PLPPR1: variants seen among roughly 807,000 people sequenced by gnomAD.
PLPPR1 encodes phospholipid phosphatase related 1.
Under a neutral mutation model 33.1 loss-of-function variants are expected in PLPPR1, and 10 were observed. The observed-to-expected ratio is 0.30, with a 90% confidence interval of 0.19 to 0.51. The LOEUF (loss-of-function observed/expected upper bound fraction) is 0.51, where lower values mean the gene tolerates loss of function less well. Ranked by LOEUF, PLPPR1 falls within the 20% of genes least tolerant of loss-of-function variation. The pLI is 0.97. For synonymous variants in PLPPR1, 151 were observed against 151.0 expected (o/e 1.00, Z 0.00); for missense variants, 304 against 408.1 (o/e 0.74, Z 2.20).
chr9:101,051,162 A>C (rs1316733288), intron 1 of PLPPR1, among the ~76,000 whole-genome samples: 1 of 151,832 alleles, frequency 6.6e-6, no homozygotes, highest in Non-Finnish European at 1.5e-5. Flanking sequence ...TTCTGTTTTT[A>C]CTGCTATCTC....
At chr9:101,060,174 A>G (rs540192585) in intron 1 of PLPPR1, among the ~76,000 whole-genome samples, 7 of 152,186 alleles carry the variant, frequency 4.6e-5, no homozygotes, top group Admixed American at 3.3e-4. Flanking sequence ...TCGCAACAAG[A>G]TGGATGAACC....
intron 1 of PLPPR1, among the ~76,000 whole-genome samples, chr9:101,073,233 A>G (rs1437705948): frequency 6.6e-6 from 1 of 152,178 alleles, no homozygotes; most frequent in African/African-American, 2.4e-5. Flanking sequence ...TAGCTCACCA[A>G]TACAGGATTC....
chr9:101,144,584 A>C (rs1381835510), intron 1 of PLPPR1, among the ~76,000 whole-genome samples: 1 of 152,082 alleles, frequency 6.6e-6, no homozygotes, highest in African/African-American at 2.4e-5. Context: ...CTCAGAAAAA[A>C]ACCAAACCTA....
At chr9:101,181,707 C>T (rs1365425309) in intron 1 of PLPPR1, among the ~76,000 whole-genome samples, 1 of 65,496 alleles carries the variant, frequency 1.5e-5, no homozygotes, top group Non-Finnish European at 3.2e-5. Flanking sequence ...TATATACACA[C>T]ACCAAATTAC....
chr9:101,184,909 C>T (rs1826178546), intron 1 of PLPPR1: 1 of 151,936 alleles, frequency 6.6e-6, no homozygotes, highest in East Asian at 1.9e-4. Flanking sequence ...ACATATTAAC[C>T]TGAAGTTGTT....
chr9:101,161,319 G>T (rs382245), intron 1 of PLPPR1, among the ~76,000 whole-genome samples: 65,898 of 151,874 alleles, frequency 0.43, 14,856 homozygotes, highest in Non-Finnish European at 0.5. Context: ...GTTGAGGAAA[G>T]AATTGGGTTA....
intron 1 of PLPPR1, among the ~76,000 whole-genome samples, chr9:101,071,089 G>A (rs1830477505): frequency 6.6e-6 from 1 of 152,112 alleles, no homozygotes; most frequent in African/African-American, 2.4e-5. Flanking sequence ...CAGGAATGGG[G>A]AGGCCGAGGG....
chr9:101,039,012 C>T (rs1365913433), intron 1 of PLPPR1, among the ~76,000 whole-genome samples: 3 of 152,162 alleles, frequency 2.0e-5, no homozygotes, highest in Non-Finnish European at 4.4e-5. Context: ...TTCTTGCCAT[C>T]TTGAACCTTA....
At chr9:101,140,791 C>T (rs1020362319) in intron 1 of PLPPR1, among the ~76,000 whole-genome samples, 9 of 152,140 alleles carry the variant, frequency 5.9e-5, no homozygotes, top group Admixed American at 5.9e-4. Flanking sequence ...ACTTACTGAA[C>T]TCCCACAGTT....
intron 3 of PLPPR1, among the ~76,000 whole-genome samples, chr9:101,278,322 G>A (rs1172053261): frequency 1.3e-5 from 2 of 152,128 alleles, no homozygotes; most frequent in Non-Finnish European, 2.9e-5. Flanking sequence ...GAAGAAGAGG[G>A]ATGGAGCAAG....
At chr9:101,309,903 A>G (rs1324539471) in intron 5 of PLPPR1, among the ~76,000 whole-genome samples, 1 of 152,110 alleles carries the variant, frequency 6.6e-6, no homozygotes, top group Non-Finnish European at 1.5e-5. Flanking sequence ...GCCTTATATG[A>G]ATGACTGCTC....
At chr9:101,251,078 T>G (rs1827705072) in intron 2 of PLPPR1, among the ~76,000 whole-genome samples, 1 of 152,072 alleles carries the variant, frequency 6.6e-6, no homozygotes, top group Non-Finnish European at 1.5e-5. Context: ...AGCTGCCTCC[T>G]TCATGTCTCA....
intron 4 of PLPPR1, among the ~76,000 whole-genome samples, chr9:101,299,458 T>G (rs1179341474): frequency 6.6e-6 from 1 of 152,158 alleles, no homozygotes; most frequent in African/African-American, 2.4e-5. Flanking sequence ...TGAGGTTACT[T>G]TTGGTTCCTC....
chr9:101,179,772 G>C (rs1393278794), intron 1 of PLPPR1, among the ~76,000 whole-genome samples: 1 of 152,022 alleles, frequency 6.6e-6, no homozygotes, highest in Admixed American at 6.6e-5. Flanking sequence ...TATTAATCCT[G>C]AGTGTGTCTG....
At chr9:101,256,564 C>T (rs1055102263) in intron 2 of PLPPR1, among the ~76,000 whole-genome samples, 13 of 152,118 alleles carry the variant, frequency 8.5e-5, no homozygotes, top group African/African-American at 2.9e-4. Context: ...TCTCCGTAAT[C>T]GCAGAAATTC....
intron 2 of PLPPR1, among the ~76,000 whole-genome samples, chr9:101,246,176 T>A (rs1442786502): frequency 6.7e-6 from 1 of 149,136 alleles, no homozygotes; most frequent in Non-Finnish European, 1.5e-5. Context: ...GGCAAAAGTC[T>A]CAATATCTCC....
chr9:101,206,182 G>A (rs10989426), intron 2 of PLPPR1, among the ~76,000 whole-genome samples: 3 of 152,042 alleles, frequency 2.0e-5, no homozygotes, highest in Non-Finnish European at 2.9e-5. Context: ...TAATGATTTC[G>A]GGAGGCATTT....
chr9:101,030,262 A>G (rs1464870251), intron 1 of PLPPR1, among the ~76,000 whole-genome samples: 3 of 151,808 alleles, frequency 2.0e-5, no homozygotes, highest in Non-Finnish European at 4.4e-5. Flanking sequence ...AAAGGGAGAT[A>G]GAAGAGGGAC....
At chr9:101,247,282 C>T (rs532745149) in intron 2 of PLPPR1, among the ~76,000 whole-genome samples, 15 of 152,004 alleles carry the variant, frequency 9.9e-5, no homozygotes, top group South Asian at 2.1e-4. Flanking sequence ...GTGGTCTCCA[C>T]GGAAGATTTT....
Sources: gnomAD v4.1 joint callset for allele counts (sites outside exome capture counted in the v4.1 genomes callset) on GRCh38, gnomAD v4.1.1 for gene constraint, MANE v1.5 for transcripts, NCBI Gene and HGNC (gene_info 2026-07-23, HGNC 2026-07-21) for gene names.